Variants in MAST4 observed in about 807,000 individuals in gnomAD.
The protein encoded by MAST4 is microtubule associated serine/threonine kinase family member 4.
In MAST4, 89 loss-of-function variants were observed where a neutral mutation model predicts 162.7. That is an observed-to-expected ratio of 0.55 (90% CI 0.46 to 0.65). The LOEUF (loss-of-function observed/expected upper bound fraction) is 0.65. Among genes scored for constraint, MAST4 ranks in the 30% least tolerant of loss-of-function variants. The pLI is 0.00. For synonymous variants in MAST4, 1,479 were observed against 1,361.1 expected (o/e 1.09, Z -1.91); for missense variants, 3,153 against 3,374.0 (o/e 0.93, Z 1.62).
chr5:67,043,248 A>C (rs1286207689), intron 4 of MAST4, among the ~76,000 whole-genome samples: 1 of 152,212 alleles, frequency 6.6e-6, no homozygotes, highest in African/African-American at 2.4e-5. Context: ...TAGCAAGTTA[A>C]ACTGAGATTT....
intron 1 of MAST4, among the ~76,000 whole-genome samples, chr5:66,676,430 A>G (rs762274198): frequency 3.7e-4 from 55 of 150,260 alleles, no homozygotes; most frequent in Non-Finnish European, 6.3e-4. Context: ...CACAGGTCTT[A>G]AGTCTCCCTG....
chr5:66,882,179 A>G (rs1364687397), intron 3 of MAST4, among the ~76,000 whole-genome samples: 7 of 152,206 alleles, frequency 4.6e-5, no homozygotes, highest in Non-Finnish European at 8.8e-5. Flanking sequence ...TTCCTGCCTG[A>G]AAAAGAGATT....
intron 1 of MAST4, among the ~76,000 whole-genome samples, chr5:66,667,442 T>G (rs540782660): frequency 2.2e-4 from 34 of 152,322 alleles, no homozygotes; most frequent in African/African-American, 7.9e-4. Flanking sequence ...TTTCATGAGA[T>G]TCAGTCGCAT....
At chr5:66,740,351 T>A (rs1752416624) in intron 1 of MAST4, among the ~76,000 whole-genome samples, 1 of 152,162 alleles carries the variant, frequency 6.6e-6, no homozygotes, top group Non-Finnish European at 1.5e-5. Flanking sequence ...AAACGTGCTG[T>A]CTCTTAAATT....
intron 9 of MAST4, among the ~76,000 whole-genome samples, 186 bp from the exon 10 acceptor site, chr5:67,104,180 A>G (rs1199776459): frequency 6.6e-6 from 1 of 152,228 alleles, no homozygotes; most frequent in African/African-American, 2.4e-5. Context: ...GGGTTCAGAC[A>G]AATGTCTGAT....
chr5:66,665,769 C>G (rs1360848329), intron 1 of MAST4, among the ~76,000 whole-genome samples: 1 of 152,226 alleles, frequency 6.6e-6, no homozygotes, highest in African/African-American at 2.4e-5. Flanking sequence ...TTCTGAGTCT[C>G]AGTTTCCTCA....
intron 4 of MAST4, among the ~76,000 whole-genome samples, chr5:66,952,385 G>C (rs1220814134): frequency 6.6e-6 from 1 of 152,036 alleles, no homozygotes. Context: ...GCTCTTTGAA[G>C]TGGTAGAGAG....
At chr5:66,885,149 A>G (rs1317176093) in intron 3 of MAST4, among the ~76,000 whole-genome samples, 2 of 152,146 alleles carry the variant, frequency 1.3e-5, no homozygotes, top group East Asian at 3.9e-4. Context: ...GGTTTTCAAA[A>G]CGTTTCTCAG....
intron 4 of MAST4, among the ~76,000 whole-genome samples, chr5:67,024,363 ATAGC>A (rs1754370261): frequency 6.7e-6 from 1 of 149,668 alleles, no homozygotes; most frequent in Non-Finnish European, 1.5e-5. Flanking sequence ...ATACATATAG[ATAGC>A]TATATATGTA....
At chr5:66,859,825 T>C (rs950379404) in intron 3 of MAST4, among the ~76,000 whole-genome samples, 3 of 152,204 alleles carry the variant, frequency 2.0e-5, no homozygotes, top group Admixed American at 2.0e-4. Context: ...CCGTGCTGCC[T>C]AAGGGCCCAT....
intron 3 of MAST4, among the ~76,000 whole-genome samples, chr5:66,885,110 A>G (rs571639775): frequency 6.6e-6 from 1 of 152,144 alleles, no homozygotes; most frequent in Non-Finnish European, 1.5e-5. Flanking sequence ...GTGATTTTTG[A>G]CAGTAGCTGG....
chr5:66,892,002 G>A (rs13167282), intron 3 of MAST4, among the ~76,000 whole-genome samples: 1,794 of 152,288 alleles, frequency 0.012, 30 homozygotes, highest in South Asian at 0.053. Flanking sequence ...TAGTTTTGTA[G>A]GTTTAATGCT....
At position 66,757,853 on chromosome 5, in the gene MAST4, A is replaced by G. The variant is rs74770114; in HGVS notation, c.364-1856A>G. On this transcript the variant is annotated intron_variant, in intron 1 of 28. Transcript: ENST00000403625. ...AAAATAATTGGGGTATGAGCACAAA[A>G]TGGAGCCAAAAAGGAGGCAAAAATA... 1.0e-2 allele frequency among the ~76,000 whole-genome samples: 1,519 copies of G among 152,296 alleles called. 32 individuals carry two copies. The highest frequency in any genetic ancestry group is 0.034 in the African/African-American group (1,412 of 41,546).
chr5:66,637,534 A>G (rs571044925), intron 1 of MAST4, among the ~76,000 whole-genome samples: 56 of 152,198 alleles, frequency 3.7e-4, no homozygotes, highest in Non-Finnish European at 4.4e-4. Flanking sequence ...TTACTGATTT[A>G]TAAGAGCTGC....
chr5:66,733,118 C>T (rs1751954912), intron 1 of MAST4, among the ~76,000 whole-genome samples: 1 of 152,148 alleles, frequency 6.6e-6, no homozygotes, highest in South Asian at 2.1e-4. Flanking sequence ...GCAAATCTGT[C>T]CCAACCTTTG....
At chr5:66,994,511 AACTT>A (rs1215018295) in intron 4 of MAST4, among the ~76,000 whole-genome samples, 1 of 152,248 alleles carries the variant, frequency 6.6e-6, no homozygotes, top group Non-Finnish European at 1.5e-5. Context: ...TATATTGAGT[AACTT>A]GACTGGCTGT....
chr5:66,996,093 C>T (rs1345258122), intron 4 of MAST4, among the ~76,000 whole-genome samples: 1 of 152,074 alleles, frequency 6.6e-6, no homozygotes, highest in Admixed American at 6.5e-5. Flanking sequence ...GCCTGGCCAA[C>T]ATAGTGAAAT....
Position 67,166,638 on chromosome 5 carries a change from G to A in MAST4, c.7459G>A (p.Ala2487Thr), listed in dbSNP as rs1280589146. ...CAGCAGCGACACCTCTTCTGCCAAG[G>A]CCGCCGGGGGCATGCTGGAGCTTCC... ...AASSDTSSAK[A>T]AGGMLELPAP... Residue 2487 changes from alanine (A) to threonine (T), a missense_variant, in exon 29 of 29, where the codon GCC becomes ACC. By Grantham distance (58) the Ala-to-Thr change is moderately conservative (BLOSUM62 0). Coordinates refer to ENST00000403625, the MANE Select transcript of MAST4 (RefSeq NM_001164664.2). The A allele has an allele frequency of 1.2e-6, 2 of 1,600,344 alleles. No homozygotes were observed. Among genetic ancestry groups the A allele is most frequent in the African/African-American group, 1.3e-5 (1 of 74,624 alleles).
chr5:66,709,756 AAAT>A (rs1211220951), intron 1 of MAST4, among the ~76,000 whole-genome samples: 1 of 152,224 alleles, frequency 6.6e-6, no homozygotes, highest in Non-Finnish European at 1.5e-5. Flanking sequence ...ATATTATAAA[AAAT>A]AATCACCAGA....
Sources: allele counts gnomAD v4.1 joint callset (sites outside exome capture counted in the v4.1 genomes callset), GRCh38; gene constraint gnomAD v4.1.1; transcripts MANE v1.5; gene names NCBI Gene and HGNC (gene_info 2026-07-23, HGNC 2026-07-21).